Variants in MYO3A observed in about 807,000 individuals in gnomAD.
The protein encoded by MYO3A is myosin-IIIa.
In MYO3A, 180 loss-of-function variants were observed where a neutral mutation model predicts 192.7. The observed-to-expected ratio is 0.93, with a 90% confidence interval of 0.83 to 1.06. The LOEUF (loss-of-function observed/expected upper bound fraction) is 1.06. Ranked by LOEUF, MYO3A falls within the 50% of genes least tolerant of loss-of-function variation. The pLI is 0.00. For missense variants in MYO3A, 1,896 were observed against 1,905.0 expected, an observed-to-expected ratio of 1.00 and a Z score of 0.09; for synonymous variants, 628 against 645.3, an observed-to-expected ratio of 0.97 and a Z score of 0.41.
At chr10:25,941,382 A>G (rs952617951) in intron 2 of MYO3A, among the ~76,000 whole-genome samples, 1 of 152,156 alleles carries the variant, frequency 6.6e-6, no homozygotes, top group Non-Finnish European at 1.5e-5. Context: ...CTTGGGACTC[A>G]CTGGCAGAAT....
At chr10:26,019,122 A>G (rs892269899) in intron 7 of MYO3A, among the ~76,000 whole-genome samples, 10 of 152,108 alleles carry the variant, frequency 6.6e-5, no homozygotes, top group African/African-American at 2.4e-4. Context: ...CCTAGTACTC[A>G]TTAACATTCA....
intron 6 of MYO3A, among the ~76,000 whole-genome samples, chr10:26,001,052 A>G (rs941562752): frequency 1.3e-5 from 2 of 152,130 alleles, no homozygotes; most frequent in African/African-American, 4.8e-5. Flanking sequence ...GCAAGGGGAA[A>G]TCTGCCCCCA....
chr10:26,104,693 A>G (rs1232836630), intron 17 of MYO3A, among the ~76,000 whole-genome samples: 1 of 151,840 alleles, frequency 6.6e-6, no homozygotes, highest in East Asian at 1.9e-4. Context: ...AATTTGAAGG[A>G]TCACCTTGTC....
intron 10 of MYO3A, among the ~76,000 whole-genome samples, chr10:26,048,589 G>T (rs2131270995): frequency 6.6e-6 from 1 of 151,806 alleles, no homozygotes; most frequent in African/African-American, 2.4e-5. Flanking sequence ...TGTATATAAA[G>T]CCTGACAGCA....
intron 31 of MYO3A, among the ~76,000 whole-genome samples, chr10:26,180,211 A>G (rs1019928611): frequency 2.6e-5 from 4 of 152,234 alleles, no homozygotes; most frequent in African/African-American, 9.6e-5. Context: ...GTACATTAAA[A>G]GACTGTCCAC....
At chr10:26,075,408 T>A (rs1398213993) in intron 14 of MYO3A, among the ~76,000 whole-genome samples, 1 of 151,658 alleles carries the variant, frequency 6.6e-6, no homozygotes, top group South Asian at 2.1e-4. Context: ...ATATTTGAAG[T>A]CTTTTATCCC....
In MYO3A at chr10:26,128,439, T is replaced by G. The variant is rs1482131073; in HGVS notation, c.2163T>G (p.Phe721Leu). ...LSIGILDIFG[F>L]ENFKKNSFEQ... is the part of the protein sequence containing the mutation. ...TTGGCATTCTTGATATATTTGGCTTTGAAAATTTCAAAAAAAATTCCTTCG... is the reference window on the plus strand; with the variant it reads ...TTGGCATTCTTGATATATTTGGCTTGGAAAATTTCAAAAAAAATTCCTTCG... Residue 721 changes from phenylalanine to leucine, a missense_variant, in exon 20 of 35, where the codon TTT becomes TTG. Coordinates refer to ENST00000642920, the MANE Select transcript of MYO3A (RefSeq NM_017433.5). 6.2e-7 allele frequency: 1 copy of G among 1,613,030 alleles called. No homozygotes were observed.
At chr10:26,002,807 G>T (rs149109198) in intron 6 of MYO3A, among the ~76,000 whole-genome samples, 21 of 152,272 alleles carry the variant, frequency 1.4e-4, no homozygotes, top group African/African-American at 4.8e-4. Flanking sequence ...AAGAAATTTA[G>T]AATTCATATC....
chr10:26,189,227 G>A (rs954938784), intron 31 of MYO3A, among the ~76,000 whole-genome samples: 1 of 152,150 alleles, frequency 6.6e-6, no homozygotes, highest in Non-Finnish European at 1.5e-5. Context: ...TTTAAGGACA[G>A]CAGTCACATT....
chr10:26,158,655 A>G (rs1218077107), intron 26 of MYO3A, among the ~76,000 whole-genome samples: 1 of 152,118 alleles, frequency 6.6e-6, no homozygotes, highest in African/African-American at 2.4e-5. Flanking sequence ...TGAAGGTTCA[A>G]TATCTTATAT....
intron 15 of MYO3A, among the ~76,000 whole-genome samples, chr10:26,089,920 T>C (rs1836593172): frequency 6.6e-6 from 1 of 152,140 alleles, no homozygotes; most frequent in Admixed American, 6.5e-5. Context: ...GTGTTAATAG[T>C]TGATTAGAAA....
At chr10:26,198,039 AGT>A (rs1489738990) in intron 32 of MYO3A, among the ~76,000 whole-genome samples, 87 of 152,358 alleles carry the variant, frequency 5.7e-4, no homozygotes, top group African/African-American at 2.0e-3. Flanking sequence ...AGACCACTGT[AGT>A]ACAGTACTCT....
chr10:26,084,690 G>A (rs1588925228), intron 14 of MYO3A, among the ~76,000 whole-genome samples: 1 of 152,238 alleles, frequency 6.6e-6, no homozygotes, highest in South Asian at 2.1e-4. Flanking sequence ...TCGTTGTACA[G>A]ATGAGGTCTC....
intron 10 of MYO3A, among the ~76,000 whole-genome samples, chr10:26,048,941 A>G (rs1843796315): frequency 6.6e-6 from 1 of 152,224 alleles, no homozygotes; most frequent in South Asian, 2.1e-4. Context: ...AACAACATTT[A>G]GTCACTAGCA....
intron 4 of MYO3A, among the ~76,000 whole-genome samples, chr10:25,991,148 A>G (rs991701947): frequency 2.6e-5 from 4 of 152,132 alleles, no homozygotes; most frequent in Non-Finnish European, 5.9e-5. Context: ...AAGTGTTCCT[A>G]TTTCTCCACA....
At chr10:26,081,047 G>A (rs1301272573) in intron 14 of MYO3A, among the ~76,000 whole-genome samples, 1 of 150,748 alleles carries the variant, frequency 6.6e-6, no homozygotes, top group Non-Finnish European at 1.5e-5. Flanking sequence ...CCAGGAGGTG[G>A]CACTTTCCAG....
intron 14 of MYO3A, among the ~76,000 whole-genome samples, chr10:26,086,775 T>C (rs990535218): frequency 6.6e-6 from 1 of 152,156 alleles, no homozygotes; most frequent in Non-Finnish European, 1.5e-5. Flanking sequence ...ACGGGGGCAG[T>C]GAGGCACAGC....
rs760646949 is a variant in MYO3A, at chr10:26,070,343, G to A, written c.1301G>A (p.Gly434Asp). ...TGCATTGTTATTTCTGGAGAAAGTG[G>A]TGCTGGAAAGACTGAAAATGCTCAT... The part of the protein sequence containing the change: ...DQCIVISGES[G>D]AGKTENAHLL... The change falls in exon 14 of 35, where the codon GGT becomes GAT. Residue 434 changes from glycine to aspartate, a missense_variant. Gly to Asp is a moderately conservative substitution (Grantham distance 94). Transcript: ENST00000642920. 13 of 1,613,194 alleles carry A rather than the reference G, an allele frequency of 8.1e-6. No homozygotes were observed. In the African/African-American group the frequency reaches 1.7e-4, roughly 22 times the overall value.
At chr10:25,955,092 A>T (rs1382671638) in intron 4 of MYO3A, 84 bp downstream of exon 4, 13 of 1,534,990 alleles carry the variant, frequency 8.5e-6, no homozygotes, top group Non-Finnish European at 9.0e-7. Context: ...TGTAACATTG[A>T]TATCATAAAA....
Sources: gnomAD v4.1 joint callset for allele counts (sites outside exome capture counted in the v4.1 genomes callset) on GRCh38, gnomAD v4.1.1 for gene constraint, MANE v1.5 for transcripts, NCBI Gene and HGNC (gene_info 2026-07-23, HGNC 2026-07-21) for gene names.